MAGOHB: variants seen among roughly 807,000 people sequenced by gnomAD.
MAGOHB encodes mago homolog B, exon junction complex subunit, also known as protein mago nashi homolog 2.
MAGOHB carries 15 observed loss-of-function variants against 20.9 expected under a neutral mutation model. That is an observed-to-expected ratio of 0.72 (90% CI 0.48 to 1.11). The LOEUF (loss-of-function observed/expected upper bound fraction) is 1.11. Ranked by LOEUF, MAGOHB falls within the 50% of genes least tolerant of loss-of-function variation. The pLI, the probability that MAGOHB is intolerant of heterozygous loss-of-function variation, is 0.00. For synonymous variants in MAGOHB, 50 were observed against 57.9 expected, an observed-to-expected ratio of 0.86 and a Z score of 0.62; for missense variants, 162 against 177.6, an observed-to-expected ratio of 0.91 and a Z score of 0.50.
At position 10,604,808 on chromosome 12, in the gene MAGOHB, A is replaced by G. The variant is rs1228261639; in HGVS notation, c.*1467T>C. On this transcript the variant is annotated 3_prime_UTR_variant, in exon 5 of 5. Coordinates refer to ENST00000320756, the MANE Select transcript of MAGOHB (RefSeq NM_018048.5). ...TTGACTTTCCATGGCAAACCTGAAG[A>G]CAATGGGCATGCATTTTGAGGAGTG... is the stretch of plus-strand genomic sequence containing the variant. 6.6e-6 allele frequency: 1 copy of G among 152,326 alleles called. No individual in the cohort carries two copies. The highest frequency in any genetic ancestry group is 1.9e-4 in the East Asian group (1 of 5,178). The allele number at this position is 152,326 out of a possible 1,614,324, so 9.4% of individuals were successfully genotyped here.
chr12:10,600,915 ACAT>A (rs1421775739), downstream of MAGOHB, among the ~76,000 whole-genome samples: 1 of 152,118 alleles, frequency 6.6e-6, no homozygotes, highest in Non-Finnish European at 1.5e-5. Context: ...GAAGTCGGCC[ACAT>A]CATCATGTGC....
At position 10,613,568 on chromosome 12, in the gene MAGOHB, A is replaced by G. The variant is rs758901900; in HGVS notation, c.-36T>C. On this transcript the variant is annotated 5_prime_UTR_variant, in exon 1 of 5. Coordinates refer to ENST00000320756, the MANE Select transcript of MAGOHB (RefSeq NM_018048.5). ...GGGAAGCCCGCCGAAAACGCAGCCAACGTGTCCCCCGGCGCCTTGCAGTGA... is the reference window on the plus strand; with the variant it reads ...GGGAAGCCCGCCGAAAACGCAGCCAGCGTGTCCCCCGGCGCCTTGCAGTGA... The G allele has an allele frequency of 7.6e-6, 11 of 1,442,328 alleles. No individual in the cohort carries two copies. The highest frequency in any genetic ancestry group is 9.8e-7 in the Non-Finnish European group (1 of 1,023,524). 89.3% of individuals were successfully genotyped at this position (1,442,328 alleles called of 1,614,324 possible).
intron 1 of MAGOHB, chr12:10,613,020 T>G (rs1310801705): frequency 9.0e-7 from 1 of 1,109,798 alleles, no homozygotes; most frequent in Non-Finnish European, 1.2e-6. Context: ...AACATATTAT[T>G]ATTCTCATTT....
intron 4 of MAGOHB, among the ~76,000 whole-genome samples, chr12:10,607,012 T>C (rs7976279): frequency 0.75 from 114,443 of 152,060 alleles, 43,879 homozygotes; most frequent in East Asian, 0.99. Flanking sequence ...CCAAAAACCA[T>C]TACCAATTTA....
In MAGOHB at chr12:10,605,081, G is replaced by A. The variant is rs1231513708; in HGVS notation, c.*1194C>T. On this transcript the variant is annotated 3_prime_UTR_variant, in exon 5 of 5. Transcript: ENST00000320756. ...TCTAGGTAGGGGTAGGCATATAGGT[G>A]TTCACTTTATAGTTCTCAAGAGTTT... is the stretch of plus-strand genomic sequence containing the variant. The A allele has an allele frequency of 6.6e-6, 1 of 151,802 alleles. No homozygotes were observed. The highest frequency in any genetic ancestry group is 1.5e-5 in the Non-Finnish European group (1 of 68,022). 9.4% of individuals were successfully genotyped at this position (151,802 alleles called of 1,614,324 possible). A position where few individuals can be genotyped will look rare whatever the true frequency, so the allele number is the denominator to read the frequency against.
Position 10,609,914 on chromosome 12 carries a change from C to G in MAGOHB, c.181G>C (p.Glu61Gln). The change falls in exon 3 of 5, where the codon GAA becomes CAA. Residue 61 changes from glutamate to glutamine, a missense_variant. Coordinates refer to ENST00000320756, the MANE Select transcript of MAGOHB (RefSeq NM_018048.5). Reference sequence around the variant, plus strand: ...CTGTCATCAATAATTCTCTTCAGTTCTTCCATTACACTCTTGTGCACATAA... The same window carrying G: ...CTGTCATCAATAATTCTCTTCAGTTGTTCCATTACACTCTTGTGCACATAA... ...EAYVHKSVME[E>Q]LKRIIDDSEI... The G allele has an allele frequency of 1.2e-6, 2 of 1,610,256 alleles. No homozygotes were observed. The highest frequency in any genetic ancestry group is 1.7e-6 in the Non-Finnish European group (2 of 1,177,702).
At chr12:10,610,179 T>G (rs1195387316) in intron 2 of MAGOHB, among the ~76,000 whole-genome samples, 2 of 152,208 alleles carry the variant, frequency 1.3e-5, no homozygotes, top group South Asian at 4.1e-4. Flanking sequence ...TTTCAAACAC[T>G]GTATTCTGCC....
At chr12:10,612,826 C>T (rs1199442281) in intron 1 of MAGOHB, 2 of 1,288,884 alleles carry the variant, frequency 1.6e-6, no homozygotes, top group East Asian at 5.5e-5. Flanking sequence ...TCATCCTCTG[C>T]TCATACTGCT....
chr12:10,612,025 C>A (rs1180414561), intron 1 of MAGOHB, among the ~76,000 whole-genome samples: 1 of 151,792 alleles, frequency 6.6e-6, no homozygotes, highest in Non-Finnish European at 1.5e-5. Flanking sequence ...TTTATGGGGA[C>A]GGTAAGGTTA....
rs781509410 is a variant in MAGOHB at position 10,610,697 on chromosome 12, A to G, written c.95-17T>C. On this transcript the variant is annotated splice_polypyrimidine_tract_variant and intron_variant, in intron 1 of 4. Coordinates refer to ENST00000320756, the MANE Select transcript of MAGOHB (RefSeq NM_018048.5). ...TAAGCTTTCCTGTGGGAAGTGGAAA[A>G]AAATCAATTTATAATAGCAAAAACT... The G allele has an allele frequency of 2.5e-6, 4 of 1,571,126 alleles. No homozygotes were observed. In the East Asian group the frequency reaches 9.2e-5, roughly 36 times the overall value.
In MAGOHB at chr12:10,604,761, T is replaced by C. The variant is rs575646423; in HGVS notation, c.*1514A>G. 2 of 152,194 alleles carry C rather than the reference T, an allele frequency of 1.3e-5. No individual in the cohort carries two copies. Among genetic ancestry groups the C allele is most frequent in the African/African-American group, 2.4e-5 (1 of 41,452 alleles). 9.4% of individuals were successfully genotyped at this position (152,194 alleles called of 1,614,324 possible). A position where few individuals can be genotyped will look rare whatever the true frequency, so the allele number is the denominator to read the frequency against. On this transcript the variant is annotated 3_prime_UTR_variant, in exon 5 of 5. Transcript: ENST00000320756. ...AAAGACCTGAAGATGATAGCGTACT[T>C]GCATAATGAAGTGGAAATCATTTGA...
chr12:10,600,392 C>T (rs75663600), downstream of MAGOHB, among the ~76,000 whole-genome samples: 1,914 of 150,564 alleles, frequency 0.013, 43 homozygotes, highest in African/African-American at 0.042. Flanking sequence ...TATATTTGGT[C>T]TGTACTTTTT....
chr12:10,610,779 AT>A, intron 1 of MAGOHB, 99 bp from the exon 2 acceptor site: 1 of 1,052,650 alleles, frequency 9.5e-7, no homozygotes, highest in Non-Finnish European at 1.3e-6. Context: ...TTATACTACT[AT>A]TTTTATTAAT....
rs1240103776 is a variant in MAGOHB at position 10,604,976 on chromosome 12, C to T, written c.*1299G>A. The T allele has an allele frequency of 6.6e-6, 1 of 152,062 alleles. No homozygotes were observed. Among genetic ancestry groups the T allele is most frequent in the Non-Finnish European group, 1.5e-5 (1 of 68,018 alleles). The allele number at this position is 152,062 out of a possible 1,614,324, so 9.4% of individuals were successfully genotyped here. A position where few individuals can be genotyped will look rare whatever the true frequency, so the allele number is the denominator to read the frequency against. The stretch of plus-strand genomic sequence containing the variant: ...CACTACAAAAAAAGTAGTTTATTGG[C>T]ACCAATTACACCAGTTAAGTGAAAA... On this transcript the variant is annotated 3_prime_UTR_variant, in exon 5 of 5. Transcript: ENST00000320756.
downstream of MAGOHB, among the ~76,000 whole-genome samples, chr12:10,601,136 G>A (rs545528015): frequency 6.6e-6 from 1 of 152,176 alleles, no homozygotes; most frequent in Non-Finnish European, 1.5e-5. Context: ...AATAAAGGAA[G>A]TTAGTTCTGT....
At chr12:10,602,617 T>C (rs567912773), downstream of MAGOHB, among the ~76,000 whole-genome samples, 37 of 152,248 alleles carry the variant, frequency 2.4e-4, no homozygotes, top group Non-Finnish European at 3.7e-4. Flanking sequence ...TTGAATGTTC[T>C]GGTACTTTGC....
chr12:10,609,902 T>C lies in MAGOHB; in HGVS notation c.193A>G (p.Ile65Val), dbSNP rs1591664441. ...HKSVMEELKR[I>V]IDDSEITKED... Reference sequence around the variant, plus strand: ...TTTGTAATTTCACTGTCATCAATAATTCTCTTCAGTTCTTCCATTACACTC... The same window carrying C: ...TTTGTAATTTCACTGTCATCAATAACTCTCTTCAGTTCTTCCATTACACTC... Residue 65 changes from isoleucine to valine, a missense_variant, in exon 3 of 5, where the codon ATT becomes GTT. Transcript: ENST00000320756. The C allele has an allele frequency of 6.2e-7, 1 of 1,611,938 alleles. No homozygotes were observed. The highest frequency in any genetic ancestry group is 8.5e-7 in the Non-Finnish European group (1 of 1,179,004).
At chr12:10,600,412 G>C (rs61913143), downstream of MAGOHB, among the ~76,000 whole-genome samples, 1 of 150,120 alleles carries the variant, frequency 6.7e-6, no homozygotes, top group Non-Finnish European at 1.5e-5. Context: ...TTTTTTTAGG[G>C]AAACTTTTTA....
intron 1 of MAGOHB, among the ~76,000 whole-genome samples, chr12:10,611,747 CAAAAAAAAAAAAAAAAAAA>C (rs1042294332): frequency 3.6e-5 from 1 of 27,686 alleles, no homozygotes; most frequent in Non-Finnish European, 7.3e-5. Flanking sequence ...GACTCTGTCT[CAAAAAAAAAAAAAAAAAAA>C]AAAAAAAAAG....
Sources: gnomAD v4.1 joint callset for allele counts (sites outside exome capture counted in the v4.1 genomes callset) on GRCh38, gnomAD v4.1.1 for gene constraint, MANE v1.5 for transcripts, NCBI Gene and HGNC (gene_info 2026-07-23, HGNC 2026-07-21) for gene names.